CRTC3: variants seen among roughly 807,000 people sequenced by gnomAD.
The protein encoded by CRTC3 is CREB regulated transcription coactivator 3.
Under a neutral mutation model 74.5 loss-of-function variants are expected in CRTC3, and 26 were observed. That is an observed-to-expected ratio of 0.35 (90% CI 0.26 to 0.48). CRTC3 has a LOEUF of 0.48. Ranked by LOEUF, CRTC3 falls within the 20% of genes least tolerant of loss-of-function variation. CRTC3 has a pLI of 0.99. For synonymous variants in CRTC3, 377 were observed against 325.8 expected (o/e 1.16, Z -1.69); for missense variants, 760 against 787.3 (o/e 0.97, Z 0.41).
chr15:90,581,003 G>C (rs1273206998), intron 2 of CRTC3, among the ~76,000 whole-genome samples: 2 of 152,236 alleles, frequency 1.3e-5, no homozygotes. Context: ...AAGAGATAGT[G>C]AATGCTTAGG....
chr15:90,596,364 G>C (rs1167195796), intron 3 of CRTC3: 2 of 152,238 alleles, frequency 1.3e-5, no homozygotes, highest in Non-Finnish European at 2.9e-5. Flanking sequence ...CTTGTGTTCA[G>C]GGGACCCTAT....
intron 9 of CRTC3, chr15:90,620,038 C>T: frequency 2.2e-6 from 1 of 463,242 alleles, no homozygotes; most frequent in Non-Finnish European, 3.9e-6. Flanking sequence ...ACACAACTGA[C>T]TCTTGGTAAA....
At chr15:90,589,983 C>G (rs1967761802) in intron 2 of CRTC3, among the ~76,000 whole-genome samples, 1 of 151,464 alleles carries the variant, frequency 6.6e-6, no homozygotes, top group Non-Finnish European at 1.5e-5. Flanking sequence ...GACTCCATCT[C>G]AAAAAATAAA....
intron 9 of CRTC3, among the ~76,000 whole-genome samples, chr15:90,624,604 ACTC>A (rs1195854477): frequency 6.6e-6 from 1 of 151,660 alleles, no homozygotes; most frequent in Non-Finnish European, 1.5e-5. Flanking sequence ...GACATGGACA[ACTC>A]CTGCTTTTTT....
chr15:90,575,325 T>A (rs1487543975), intron 2 of CRTC3, among the ~76,000 whole-genome samples: 2 of 152,214 alleles, frequency 1.3e-5, no homozygotes, highest in African/African-American at 2.4e-5. Flanking sequence ...CACTCTAGAC[T>A]GGGCTAGAAG....
chr15:90,565,108 A>G (rs1967095537), intron 2 of CRTC3, among the ~76,000 whole-genome samples: 1 of 152,060 alleles, frequency 6.6e-6, no homozygotes, highest in South Asian at 2.1e-4. Context: ...ACGCTGGCTA[A>G]TTTTGTATTT....
intron 10 of CRTC3, 123 bp from the exon 11 acceptor site, chr15:90,629,111 C>G: frequency 1.1e-6 from 1 of 898,836 alleles, no homozygotes; most frequent in East Asian, 2.6e-5. Context: ...GGAGAGCTGT[C>G]CAGGAGCTCC....
At chr15:90,603,304 G>A (rs535229309) in intron 4 of CRTC3, among the ~76,000 whole-genome samples, 25 of 149,156 alleles carry the variant, frequency 1.7e-4, no homozygotes, top group East Asian at 8.2e-4. Flanking sequence ...GTAGCCGGGC[G>A]TGGTGGCAGG....
intron 2 of CRTC3, among the ~76,000 whole-genome samples, chr15:90,559,279 T>C (rs1305903761): frequency 6.6e-6 from 1 of 152,198 alleles, no homozygotes; most frequent in Non-Finnish European, 1.5e-5. Context: ...AGTAACCTTA[T>C]GTGATGGTAC....
chr15:90,620,914 T>C (rs1278702582), intron 9 of CRTC3, among the ~76,000 whole-genome samples: 1 of 152,092 alleles, frequency 6.6e-6, no homozygotes, highest in Admixed American at 6.5e-5. Flanking sequence ...GTCAAGGCAC[T>C]CTCTACTGAG....
intron 2 of CRTC3, among the ~76,000 whole-genome samples, chr15:90,556,957 G>GATAT (rs1966901398): frequency 1.1e-4 from 10 of 89,684 alleles, no homozygotes; most frequent in South Asian, 3.7e-4. Flanking sequence ...TCACCACATG[G>GATAT]CTATATATAT....
intron 9 of CRTC3, among the ~76,000 whole-genome samples, chr15:90,620,681 A>G (rs1229980881): frequency 6.6e-6 from 1 of 152,126 alleles, no homozygotes; most frequent in Non-Finnish European, 1.5e-5. Context: ...GCTGTTTATC[A>G]TAGTGTCCGT....
chr15:90,632,855 T>C (rs1371307684), intron 11 of CRTC3, among the ~76,000 whole-genome samples: 1 of 152,234 alleles, frequency 6.6e-6, no homozygotes, highest in Admixed American at 6.5e-5. Flanking sequence ...TCTGCCCGCC[T>C]CGGCGTCCCA....
chr15:90,641,056 C>A (rs113674529), intron 13 of CRTC3, 41 bp from the exon 14 acceptor site: 2 of 1,320,760 alleles, frequency 1.5e-6, no homozygotes, highest in Non-Finnish European at 1.1e-6. Context: ...TCCTTGGAAA[C>A]AGAGGTGTGG....
chr15:90,579,927 C>T (rs1361436248), intron 2 of CRTC3, among the ~76,000 whole-genome samples: 2 of 152,092 alleles, frequency 1.3e-5, no homozygotes, highest in Non-Finnish European at 2.9e-5. Context: ...CAGGCATGAG[C>T]CACCTGCCCA....
Position 90,645,157 on chromosome 15 carries a change from G to T in CRTC3, c.*3017G>T, listed in dbSNP as rs1969579459. 1 of 229,712 alleles carries T rather than the reference G, an allele frequency of 4.4e-6. No homozygotes were observed. Among genetic ancestry groups the T allele is most frequent in the African/African-American group, 2.2e-5 (1 of 45,108 alleles). 14.2% of individuals were successfully genotyped at this position (229,712 alleles called of 1,614,324 possible). Reference sequence around the variant, plus strand: ...TTTATGCACAGATGGTTCCCAGCATGTGTCCAGTGCTTCATGGATGGGACC... The same window carrying T: ...TTTATGCACAGATGGTTCCCAGCATTTGTCCAGTGCTTCATGGATGGGACC... On this transcript the variant is annotated 3_prime_UTR_variant, in exon 15 of 15. Coordinates refer to ENST00000268184, the MANE Select transcript of CRTC3 (RefSeq NM_022769.5).
intron 2 of CRTC3, among the ~76,000 whole-genome samples, chr15:90,565,689 ATC>A (rs1390321369): frequency 6.6e-6 from 1 of 152,162 alleles, no homozygotes; most frequent in Non-Finnish European, 1.5e-5. Flanking sequence ...TCATTATTAT[ATC>A]TGTTATGGTG....
chr15:90,606,031 G>A (rs1041105512), intron 5 of CRTC3, among the ~76,000 whole-genome samples: 4 of 152,176 alleles, frequency 2.6e-5, no homozygotes, highest in Non-Finnish European at 5.9e-5. Context: ...CAAGGCGGGC[G>A]AATCACCTGA....
At chr15:90,538,402 C>T (rs1966752943) in intron 1 of CRTC3, among the ~76,000 whole-genome samples, 1 of 152,058 alleles carries the variant, frequency 6.6e-6, no homozygotes, top group African/African-American at 2.4e-5. Flanking sequence ...AACTGTCTCC[C>T]TGTGCAGTAC....
Sources: allele counts gnomAD v4.1 joint callset (sites outside exome capture counted in the v4.1 genomes callset), GRCh38; gene constraint gnomAD v4.1.1; transcripts MANE v1.5; gene names NCBI Gene and HGNC (gene_info 2026-07-23, HGNC 2026-07-21).